INPP5F: variants seen among roughly 807,000 people sequenced by gnomAD.
The protein encoded by INPP5F is inositol polyphosphate-5-phosphatase F.
A neutral mutation model predicts 137.2 loss-of-function variants in INPP5F; 97 were observed. The ratio of observed to expected loss-of-function variants is 0.71; its 90% CI spans 0.60 to 0.84. The LOEUF is 0.84. INPP5F is among the 40% of genes least tolerant of loss of function. The probability of loss-of-function intolerance (pLI) is 0.00; values close to 1 mark genes in which losing one functional copy is unlikely to be tolerated. For synonymous variants in INPP5F, 504 were observed against 476.9 expected (o/e 1.06, Z -0.74); for missense variants, 1,271 against 1,371.9 (o/e 0.93, Z 1.16).
chr10:119,814,802 G>C (rs1851197605), intron 15 of INPP5F, among the ~76,000 whole-genome samples: 1 of 152,128 alleles, frequency 6.6e-6, no homozygotes, highest in East Asian at 1.9e-4. Context: ...CCCCACTGTG[G>C]GTCTCAGGCT....
chr10:119,810,693 T>A (rs1360288816), intron 14 of INPP5F, among the ~76,000 whole-genome samples: 10 of 152,228 alleles, frequency 6.6e-5, no homozygotes, highest in Non-Finnish European at 1.5e-4. Flanking sequence ...GAGATTACCC[T>A]AACCAACTCA....
intron 2 of INPP5F, among the ~76,000 whole-genome samples, chr10:119,780,280 A>T (rs1177664174): frequency 6.6e-6 from 1 of 152,204 alleles, no homozygotes; most frequent in Non-Finnish European, 1.5e-5. Flanking sequence ...TTGATTTAAT[A>T]ATATATTTTA....
chr10:119,794,643 G>T (rs962061518), intron 6 of INPP5F, among the ~76,000 whole-genome samples: 2 of 150,126 alleles, frequency 1.3e-5, no homozygotes, highest in Admixed American at 1.3e-4. Flanking sequence ...CTGGCCAGGT[G>T]GGGGGCTGAC....
chr10:119,820,941 G>T lies in INPP5F; in HGVS notation c.1958+24G>T, dbSNP rs978339765. ...TAGTAAGTTGCTTATTGATTTAAAG[G>T]TTTTGATTTTGTTTTTTAAACTTGA... On this transcript the variant is annotated intron_variant, in intron 16 of 19. Coordinates refer to ENST00000650623, the MANE Select transcript of INPP5F (RefSeq NM_014937.4). The T allele has an allele frequency of 4.1e-6, 6 of 1,477,264 alleles. No individual in the cohort carries two copies. The African/African-American group carries it at 5.6e-5, about 14-fold the overall frequency. The allele number at this position is 1,477,264 out of a possible 1,614,324, so 91.5% of individuals were successfully genotyped here.
At position 119,749,321 on chromosome 10, in the gene INPP5F, G is replaced by A. The variant is rs117631364; in HGVS notation, c.98-1755G>A. Reference sequence around the variant, plus strand: ...TTCTGCCCTGCTGGCTCCATGGAGGGCGCAGCCCTGGCCGCGCCTCCCCGG... The same window carrying A: ...TTCTGCCCTGCTGGCTCCATGGAGGACGCAGCCCTGGCCGCGCCTCCCCGG... On this transcript the variant is annotated intron_variant, in intron 1 of 19. Transcript: ENST00000650623. 2.2e-3 allele frequency among the ~76,000 whole-genome samples: 336 copies of A among 152,350 alleles called. 10 individuals carry two copies. The East Asian group carries it at 0.054, about 24-fold the overall frequency.
chr10:119,796,688 AC>A, intron 6 of INPP5F, 26 bp from the exon 7 acceptor site: 1 of 1,563,450 alleles, frequency 6.4e-7, no homozygotes. Context: ...CAGAATAGAA[AC>A]GATATCATGT....
chr10:119,801,326 G>A (rs866345201), intron 9 of INPP5F, among the ~76,000 whole-genome samples: 2 of 152,268 alleles, frequency 1.3e-5, no homozygotes, highest in South Asian at 4.1e-4. Context: ...CATACAGTTG[G>A]TTCTCTTCCA....
rs1265249140 is a variant in INPP5F, at chr10:119,828,363, A to C, written c.*583A>C. ...AATTTTCCCCGTATTCTACTTGAAC[A>C]CATTAAAAATACTCTGCTGCCTATA... On this transcript the variant is annotated 3_prime_UTR_variant, in exon 20 of 20. Coordinates refer to ENST00000650623, the MANE Select transcript of INPP5F (RefSeq NM_014937.4). The C allele has an allele frequency of 2.6e-5, 4 of 152,780 alleles. No individual in the cohort carries two copies. The highest frequency in any genetic ancestry group is 9.7e-5 in the African/African-American group (4 of 41,438). 9.5% of individuals were successfully genotyped at this position (152,780 alleles called of 1,614,324 possible).
intron 15 of INPP5F, 29 bp downstream of exon 15, chr10:119,811,984 G>A: frequency 6.3e-7 from 1 of 1,582,216 alleles, no homozygotes; most frequent in Non-Finnish European, 8.7e-7. Context: ...CAGGTGACCA[G>A]CTTGCTTAAC....
At chr10:119,749,068 T>A (rs1848619556) in intron 1 of INPP5F, among the ~76,000 whole-genome samples, 1 of 152,156 alleles carries the variant, frequency 6.6e-6, no homozygotes, top group Non-Finnish European at 1.5e-5. Flanking sequence ...CACACCCGAC[T>A]CGGTCGTGAC....
chr10:119,814,519 A>G (rs530700189), intron 15 of INPP5F: 1 of 152,384 alleles, frequency 6.6e-6, no homozygotes, highest in Non-Finnish European at 1.5e-5. Flanking sequence ...AGCAAGGGCC[A>G]GTGCATCCTT....
At chr10:119,738,719 C>T (rs1040031089) in intron 1 of INPP5F, among the ~76,000 whole-genome samples, 3 of 151,940 alleles carry the variant, frequency 2.0e-5, no homozygotes, top group South Asian at 2.1e-4. Flanking sequence ...TACCAGGCAG[C>T]GAAGTCAGAG....
At position 119,823,094 on chromosome 10, in the gene INPP5F, A is replaced by G. The variant is rs767406114; in HGVS notation, c.2056A>G (p.Lys686Glu). The G allele has an allele frequency of 1.2e-6, 2 of 1,613,460 alleles. No individual in the cohort carries two copies. Among genetic ancestry groups the G allele is most frequent in the Non-Finnish European group, 1.7e-6 (2 of 1,179,794 alleles). ...AGGCCCTGAACCCACTCTTTTTGGT[A>G]AGCCAAAGTTCTCCTGCATGCGACT... Reference protein sequence around the residue: ...EIGPEPTLFGKPKFSCMRLHY... With the variant: ...EIGPEPTLFGEPKFSCMRLHY... The change falls in exon 18 of 20, where the codon AAG becomes GAG. Residue 686 changes from lysine to glutamate, a missense_variant. By Grantham distance (56) the Lys-to-Glu change is moderately conservative. Transcript: ENST00000650623.
rs1848229133 is a variant in INPP5F, at chr10:119,736,875, C to T, written c.97+10516C>T. ...AGAGACAGGGTCTTGCTCTGCCACC[C>T]AGGCTGGAATGTGGGATAGCTCACT... On this transcript the variant is annotated intron_variant, in intron 1 of 19. Transcript: ENST00000650623. Among the ~76,000 whole-genome samples the T allele has an allele frequency of 2.0e-5, 3 of 152,200 alleles. No individual in the cohort carries two copies. The South Asian group carries it at 6.2e-4, about 32-fold the overall frequency.
chr10:119,815,066 CCT>C (rs1851212792), intron 15 of INPP5F, among the ~76,000 whole-genome samples: 1 of 152,026 alleles, frequency 6.6e-6, no homozygotes. Flanking sequence ...GGCGTTTCAC[CCT>C]GTTAGCCAGG....
At chr10:119,730,310 A>G (rs1848020536) in intron 1 of INPP5F, among the ~76,000 whole-genome samples, 1 of 152,106 alleles carries the variant, frequency 6.6e-6, no homozygotes, top group African/African-American at 2.4e-5. Flanking sequence ...GGGTTTTGCC[A>G]TGTTGGCCAG....
chr10:119,746,877 TTCCC>T (rs1460760081), intron 1 of INPP5F, among the ~76,000 whole-genome samples: 1 of 151,812 alleles, frequency 6.6e-6, no homozygotes. Flanking sequence ...CAACCTCTAC[TTCCC>T]GGATTCAAGC....
In INPP5F at chr10:119,822,428, T is replaced by C; in HGVS notation, c.1959-3T>C. On this transcript the variant is annotated splice_polypyrimidine_tract_variant and splice_region_variant and intron_variant, in intron 16 of 19. Transcript: ENST00000650623. ...TCTTTTAACTTCATTTCCTTTTATC[T>C]AGTTATGATGATGAAGTTGATAAAG... is the stretch of plus-strand genomic sequence containing the variant. 1 of 1,458,874 alleles carries C rather than the reference T, an allele frequency of 6.9e-7. No individual in the cohort carries two copies. The highest frequency in any genetic ancestry group is 1.4e-5 in the African/African-American group (1 of 70,828). 90.4% of individuals were successfully genotyped at this position (1,458,874 alleles called of 1,614,324 possible).
At chr10:119,790,218 A>G (rs1351461982) in intron 3 of INPP5F, among the ~76,000 whole-genome samples, 1 of 152,094 alleles carries the variant, frequency 6.6e-6, no homozygotes, top group Non-Finnish European at 1.5e-5. Context: ...GACGGAAACG[A>G]TCACAGAAAG....
Sources: gnomAD v4.1 joint callset for allele counts (sites outside exome capture counted in the v4.1 genomes callset) on GRCh38, gnomAD v4.1.1 for gene constraint, MANE v1.5 for transcripts, NCBI Gene and HGNC (gene_info 2026-07-23, HGNC 2026-07-21) for gene names.